ARSB: variants seen among roughly 807,000 people sequenced by gnomAD.
The protein encoded by ARSB is N-acetylgalactosamine-4-sulfatase.
In ARSB, 41 loss-of-function variants were observed where a neutral mutation model predicts 50.9. The observed-to-expected ratio is 0.81, with a 90% CI of 0.63 to 1.04. The LOEUF is 1.04. Among genes scored for constraint, ARSB ranks in the 50% least tolerant of loss-of-function variants. The pLI is 0.00. For missense variants in ARSB, 672 were observed against 693.3 expected, an observed-to-expected ratio of 0.97 and a Z score of 0.35; for synonymous variants, 269 against 284.8, an observed-to-expected ratio of 0.94 and a Z score of 0.56.
At position 78,860,983 on chromosome 5, in the gene ARSB, C is replaced by G. The variant is rs571765398; in HGVS notation, c.1143-21557G>C. On this transcript the variant is annotated intron_variant, in intron 5 of 7. Transcript: ENST00000264914. ...CTACCGTCAGAGAATACTACAAACA[C>G]CTCTATGCAAATAAACTAGAAAATC... Among the ~76,000 whole-genome samples, 337 of 152,282 alleles carry G rather than the reference C, an allele frequency of 2.2e-3. 1 individual carries two copies. The highest frequency in any genetic ancestry group is 3.8e-3 in the Non-Finnish European group (261 of 68,022).
rs1185355030 is a variant in ARSB at position 78,834,607 on chromosome 5, G to GTGTGTATATATA, written c.1213+4748_1213+4749insTATATATACACA. Reference sequence around the variant, plus strand: ...ATACTATTTCATGGTATATATATGTGTATATATATATATATATATATATAT... The same window carrying GTGTGTATATATA: ...ATACTATTTCATGGTATATATATGTGTGTGTATATATATATATATATATATATATATATATAT... On this transcript the variant is annotated intron_variant, in intron 6 of 7. Transcript: ENST00000264914. 2.0e-3 allele frequency among the ~76,000 whole-genome samples: 175 copies of GTGTGTATATATA among 85,628 alleles called. 3 individuals carry two copies. The highest frequency in any genetic ancestry group is 5.0e-3 in the East Asian group (12 of 2,424). 56.2% of individuals were successfully genotyped at this position (85,628 alleles called of 152,430 possible). A position where few individuals can be genotyped will look rare whatever the true frequency, so the allele number is the denominator to read the frequency against.
At chr5:78,797,722 C>T (rs906992684) in intron 6 of ARSB, among the ~76,000 whole-genome samples, 6 of 152,160 alleles carry the variant, frequency 3.9e-5, no homozygotes, top group African/African-American at 9.7e-5. Context: ...TTCAGCTGCC[C>T]CTAAGATAGC....
At chr5:78,861,349 T>C (rs935554412) in intron 5 of ARSB, among the ~76,000 whole-genome samples, 2 of 152,148 alleles carry the variant, frequency 1.3e-5, no homozygotes, top group South Asian at 4.2e-4. Flanking sequence ...TGAACATCGA[T>C]GCAAAAATCC....
chr5:78,978,567 TA>T (rs1299139294), intron 1 of ARSB, among the ~76,000 whole-genome samples: 1 of 152,016 alleles, frequency 6.6e-6, no homozygotes, highest in East Asian at 1.9e-4. Context: ...CGAAAAAGAA[TA>T]ACAAAATTGG....
At chr5:78,842,457 A>T (rs1745267767) in intron 5 of ARSB, among the ~76,000 whole-genome samples, 1 of 152,206 alleles carries the variant, frequency 6.6e-6, no homozygotes, top group Non-Finnish European at 1.5e-5. Flanking sequence ...TAGGAAGAGC[A>T]TGCCCCAGAC....
At chr5:78,864,484 C>T (rs1215949422) in intron 5 of ARSB, among the ~76,000 whole-genome samples, 4 of 152,178 alleles carry the variant, frequency 2.6e-5, no homozygotes, top group Admixed American at 2.0e-4. Context: ...GGGTCCCTCC[C>T]ATGACACATG....
intron 5 of ARSB, among the ~76,000 whole-genome samples, chr5:78,862,573 T>C (rs573567198): frequency 2.6e-5 from 4 of 152,324 alleles, no homozygotes; most frequent in African/African-American, 9.6e-5. Flanking sequence ...ACTGGATCCC[T>C]TCCTTACACC....
intron 4 of ARSB, among the ~76,000 whole-genome samples, chr5:78,938,635 T>A (rs1017349408): frequency 6.6e-6 from 1 of 152,226 alleles, no homozygotes; most frequent in Non-Finnish European, 1.5e-5. Flanking sequence ...TAATATTTTA[T>A]AAGTCTGCCA....
At chr5:78,784,081 T>A (rs979639141) in intron 6 of ARSB, among the ~76,000 whole-genome samples, 10 of 152,226 alleles carry the variant, frequency 6.6e-5, no homozygotes, top group Admixed American at 2.0e-4. Context: ...CCCTGTCCTT[T>A]CATTTACTCC....
chr5:78,927,356 C>T (rs550158422), intron 4 of ARSB, among the ~76,000 whole-genome samples: 1 of 152,182 alleles, frequency 6.6e-6, no homozygotes, highest in South Asian at 2.1e-4. Flanking sequence ...TGCTCAATAG[C>T]CATGTATGAC....
chr5:78,846,240 T>C (rs1429282844), intron 5 of ARSB, among the ~76,000 whole-genome samples: 1 of 152,200 alleles, frequency 6.6e-6, no homozygotes, highest in African/African-American at 2.4e-5. Context: ...CATTGGTATA[T>C]GAATCTGTAT....
intron 3 of ARSB, among the ~76,000 whole-genome samples, chr5:78,957,570 A>T (rs1405602856): frequency 6.6e-6 from 1 of 152,220 alleles, no homozygotes; most frequent in Non-Finnish European, 1.5e-5. Flanking sequence ...TACTTCCATT[A>T]TTTCCATGGG....
Position 78,969,006 on chromosome 5 carries a change from C to G in ARSB, c.499G>C (p.Gly167Arg). ...AAAGAAACATGTGCATTTCCATTAC[C>G]AAAGTAGGTATCAAATCCTCGGCGG... ...PTRRGFDTYFGYLLGSEDYYS... is the reference protein window; with the variant it reads ...PTRRGFDTYFRYLLGSEDYYS... Residue 167 changes from glycine to arginine, a missense_variant and splice_region_variant, in exon 2 of 8, where the codon GGA (glycine) becomes CGA (arginine). Transcript: ENST00000264914. 1 of 1,614,048 alleles carries G rather than the reference C, an allele frequency of 6.2e-7. No homozygotes were observed. Among genetic ancestry groups the G allele is most frequent in the Non-Finnish European group, 8.5e-7 (1 of 1,179,994 alleles).
At chr5:78,884,413 G>T (rs1747909144) in intron 5 of ARSB, 1 of 152,050 alleles carries the variant, frequency 6.6e-6, no homozygotes, top group Admixed American at 6.6e-5. Flanking sequence ...CCATTTGAGG[G>T]TATGTTAAAT....
chr5:78,829,202 C>CA (rs1206519454), intron 6 of ARSB, among the ~76,000 whole-genome samples: 10 of 152,138 alleles, frequency 6.6e-5, no homozygotes, highest in Non-Finnish European at 8.8e-5. Flanking sequence ...TGAAAACATT[C>CA]AAAAAATACG....
At chr5:78,862,303 C>T (rs1351790544) in intron 5 of ARSB, among the ~76,000 whole-genome samples, 2 of 152,106 alleles carry the variant, frequency 1.3e-5, no homozygotes, top group African/African-American at 4.8e-5. Context: ...GCCCGCGTTG[C>T]CAAGACAATC....
chr5:78,903,618 C>T (rs1383209763), intron 4 of ARSB, among the ~76,000 whole-genome samples: 1 of 152,174 alleles, frequency 6.6e-6, no homozygotes, highest in African/African-American at 2.4e-5. Context: ...GGTAAGCTGA[C>T]CCTACAAAAC....
At chr5:78,922,882 A>G (rs1232319309) in intron 4 of ARSB, among the ~76,000 whole-genome samples, 20 of 152,116 alleles carry the variant, frequency 1.3e-4, no homozygotes, top group Admixed American at 1.2e-3. Context: ...TCGGCCTCCC[A>G]AAGTGCTGGG....
intron 6 of ARSB, among the ~76,000 whole-genome samples, chr5:78,823,651 T>G (rs1182743715): frequency 6.6e-6 from 1 of 152,186 alleles, no homozygotes; most frequent in Admixed American, 6.5e-5. Context: ...TGGGTTTTCT[T>G]TCTGAATGTT....
Sources: gnomAD v4.1 joint callset for allele counts (sites outside exome capture counted in the v4.1 genomes callset) on GRCh38, gnomAD v4.1.1 for gene constraint, MANE v1.5 for transcripts, NCBI Gene and HGNC (gene_info 2026-07-23, HGNC 2026-07-21) for gene names.